Variants in TWIST2 observed in about 807,000 individuals in gnomAD.
The protein encoded by TWIST2 is twist family bHLH transcription factor 2, also known as twist-related protein 2.
In TWIST2, 1 loss-of-function variant was observed where a neutral mutation model predicts 11.6. The ratio of observed to expected loss-of-function variants is 0.09; its 90% CI spans 0.03 to 0.41. The LOEUF (loss-of-function observed/expected upper bound fraction) is 0.41, where lower values mean the gene tolerates loss of function less well. Among genes scored for constraint, TWIST2 ranks in the 10% least tolerant of loss-of-function variants. The probability of loss-of-function intolerance (pLI) is 0.98; values close to 1 mark genes in which losing one functional copy is unlikely to be tolerated. For synonymous variants in TWIST2, 87 were observed against 96.6 expected (o/e 0.90, Z 0.58); for missense variants, 168 against 226.4 (o/e 0.74, Z 1.66).
chr2:238,895,277 G>A (rs1693193762), intron 1 of TWIST2, among the ~76,000 whole-genome samples: 1 of 152,246 alleles, frequency 6.6e-6, no homozygotes, highest in Non-Finnish European at 1.5e-5. Context: ...TTCTGGGGGA[G>A]ATTCTGCACC....
rs1692572924 is a variant in TWIST2, at chr2:238,867,942, G to A, written c.*35+19209G>A. Among the ~76,000 whole-genome samples the A allele has an allele frequency of 6.6e-6, 1 of 152,248 alleles. No individual in the cohort carries two copies. The highest frequency in any genetic ancestry group is 2.4e-5 in the African/African-American group (1 of 41,458). On this transcript the variant is annotated intron_variant, in intron 1 of 1. Transcript: ENST00000612363. The surrounding 1 kb of genome is among the most constrained non-coding windows in gnomAD (Gnocchi z 4.8). ...TGTGTTGGAGCAGAGACTGTGGTCA[G>A]CGGAAGGCATGAGAGGGGCCACCCT... is the stretch of plus-strand genomic sequence containing the variant.
At chr2:238,871,606 CCACT>C (rs1422576265) in intron 1 of TWIST2, among the ~76,000 whole-genome samples, 1 of 136,552 alleles carries the variant, frequency 7.3e-6, no homozygotes, top group Non-Finnish European at 1.6e-5. Context: ...ACAGCACACC[CCACT>C]CACACACATC....
chr2:238,873,663 C>T (rs1692751966), intron 1 of TWIST2, among the ~76,000 whole-genome samples: 1 of 152,232 alleles, frequency 6.6e-6, no homozygotes, highest in African/African-American at 2.4e-5. Flanking sequence ...CTCCCTGTGC[C>T]CAATGCACGG....
At chr2:238,896,839 G>C (rs1462671041) in intron 1 of TWIST2, among the ~76,000 whole-genome samples, 2 of 152,168 alleles carry the variant, frequency 1.3e-5, no homozygotes, top group Non-Finnish European at 2.9e-5. Flanking sequence ...TCACTCACCA[G>C]CCTGCTGAGA....
In TWIST2 at chr2:238,887,947, A is replaced by G. The variant is rs974401411; in HGVS notation, c.*36-21895A>G. ...CTGACATGAGCAGGAAAACCATCTC[A>G]TAACCCACGGCCGCCTCTCGTGTTG... On this transcript the variant is annotated intron_variant, in intron 1 of 1. Transcript: ENST00000612363. Among the ~76,000 whole-genome samples, 3 of 152,296 alleles carry G rather than the reference A, an allele frequency of 2.0e-5. No individual in the cohort carries two copies. The East Asian group carries it at 5.8e-4, about 29-fold the overall frequency.
chr2:238,909,216 G>GGGGTGT (rs1693412517), intron 1 of TWIST2, among the ~76,000 whole-genome samples: 29 of 20,694 alleles, frequency 1.4e-3, no homozygotes, highest in East Asian at 3.5e-3. Flanking sequence ...ATGTGGGGTG[G>GGGGTGT]GGTGTGTTCG....
At chr2:238,897,651 T>G (rs1693221652) in intron 1 of TWIST2, among the ~76,000 whole-genome samples, 1 of 152,178 alleles carries the variant, frequency 6.6e-6, no homozygotes, top group South Asian at 2.1e-4. Flanking sequence ...CATCACACTC[T>G]CTACCGTGAA....
At chr2:238,906,235 G>A (rs897700704) in intron 1 of TWIST2, among the ~76,000 whole-genome samples, 3 of 151,312 alleles carry the variant, frequency 2.0e-5, no homozygotes, top group Non-Finnish European at 3.0e-5. Context: ...GACACACACG[G>A]ACCCACGCAC....
chr2:238,855,097 A>G (rs36146170), intron 1 of TWIST2, among the ~76,000 whole-genome samples: 80,930 of 152,058 alleles, frequency 0.53, 22,136 homozygotes, highest in South Asian at 0.66. Context: ...GCACAGGCGC[A>G]GCGCAAGCTA....
chr2:238,870,141 C>CA (rs1692625197), intron 1 of TWIST2, among the ~76,000 whole-genome samples: 1 of 127,826 alleles, frequency 7.8e-6, no homozygotes, highest in African/African-American at 3.3e-5. Flanking sequence ...CACACCACAC[C>CA]CCATACACAC....
Position 238,867,236 on chromosome 2 carries a change from G to A in TWIST2, c.*35+18503G>A, listed in dbSNP as rs1308107842. Among the ~76,000 whole-genome samples the A allele has an allele frequency of 2.0e-5, 3 of 152,080 alleles. No individual in the cohort carries two copies. The highest frequency in any genetic ancestry group is 1.3e-4 in the Admixed American group (2 of 15,262). Reference sequence around the variant, plus strand: ...TCTGCAGAAGAGAAGGGGTAGAGGTGGAGAAAGAGGGAGAGGGAGGCAGGG... The same window carrying A: ...TCTGCAGAAGAGAAGGGGTAGAGGTAGAGAAAGAGGGAGAGGGAGGCAGGG... On this transcript the variant is annotated intron_variant, in intron 1 of 1. Transcript: ENST00000612363. The surrounding 1 kb of genome is among the most constrained non-coding windows in gnomAD (Gnocchi z 4.8).
rs1289542160 is a variant in TWIST2 at position 238,864,140 on chromosome 2, G to A, written c.*35+15407G>A. Among the ~76,000 whole-genome samples, 3 of 151,964 alleles carry A rather than the reference G, an allele frequency of 2.0e-5. No individual in the cohort carries two copies. Among genetic ancestry groups the A allele is most frequent in the Non-Finnish European group, 4.4e-5 (3 of 67,986 alleles). On this transcript the variant is annotated intron_variant, in intron 1 of 1. Coordinates refer to ENST00000612363, the MANE Select transcript of TWIST2 (RefSeq NM_001271893.4). This position sits in a 1 kb window ranked among gnomAD's most constrained non-coding sequence, Gnocchi z 4.7. ...TTTGCCAGATGACCAAATCCTTTTC[G>A]GAGAGATGACTGAAATATTTGTAAG... is the stretch of plus-strand genomic sequence containing the variant.
At chr2:238,856,449 A>C (rs1394518488) in intron 1 of TWIST2, among the ~76,000 whole-genome samples, 1 of 152,194 alleles carries the variant, frequency 6.6e-6, no homozygotes. Flanking sequence ...ATGTAATTTC[A>C]GTGTGGAACA....
intron 1 of TWIST2, among the ~76,000 whole-genome samples, chr2:238,869,424 T>C (rs1692605909): frequency 6.6e-6 from 1 of 152,208 alleles, no homozygotes; most frequent in African/African-American, 2.4e-5. Context: ...ACCTGTGGAA[T>C]GGGAGAAAGT....
chr2:238,848,979 C>T (rs986250015), intron 1 of TWIST2, among the ~76,000 whole-genome samples: 1 of 151,880 alleles, frequency 6.6e-6, no homozygotes, highest in South Asian at 2.1e-4. Context: ...GTGACTCCCC[C>T]GGCGGGTTCT....
At chr2:238,906,002 T>C (rs961716501) in intron 1 of TWIST2, among the ~76,000 whole-genome samples, 6 of 102,376 alleles carry the variant, frequency 5.9e-5, no homozygotes, top group East Asian at 4.4e-4. Context: ...CGTGTGTGCG[T>C]GTGCGTGTGT....
chr2:238,850,022 C>T (rs980162577), intron 1 of TWIST2, among the ~76,000 whole-genome samples: 5 of 152,200 alleles, frequency 3.3e-5, no homozygotes, highest in East Asian at 3.8e-4. Flanking sequence ...CCAAACATAT[C>T]TATTTCTTTT....
chr2:238,904,260 T>C (rs1418420671), intron 1 of TWIST2, among the ~76,000 whole-genome samples: 1 of 131,540 alleles, frequency 7.6e-6, no homozygotes, highest in Admixed American at 7.8e-5. Context: ...GGTATGTGCA[T>C]AATGTGAGGT....
chr2:238,871,680 A>AAC (rs1553568652), intron 1 of TWIST2, among the ~76,000 whole-genome samples: 40 of 99,636 alleles, frequency 4.0e-4, no homozygotes, highest in Admixed American at 1.9e-3. Context: ...ACCCCCCCCC[A>AAC]ACACACACAC....
Sources: allele counts gnomAD v4.1 joint callset (sites outside exome capture counted in the v4.1 genomes callset), GRCh38; gene constraint gnomAD v4.1.1; non-coding constraint Gnocchi (gnomAD v3.1); transcripts MANE v1.5; gene names NCBI Gene and HGNC (gene_info 2026-07-23, HGNC 2026-07-21).